KYAT3: variants seen among roughly 807,000 people sequenced by gnomAD.
The protein encoded by KYAT3 is kynurenine aminotransferase 3, also known as kynurenine--oxoglutarate transaminase 3.
KYAT3 carries 50 observed loss-of-function variants against 59.0 expected under a neutral mutation model. That is an observed-to-expected ratio of 0.85 (90% confidence interval 0.68 to 1.07). The LOEUF (loss-of-function observed/expected upper bound fraction) is 1.07. Ranked by LOEUF, KYAT3 falls within the 50% of genes least tolerant of loss-of-function variation. The pLI, the probability that KYAT3 is intolerant of heterozygous loss-of-function variation, is 0.00. For missense variants in KYAT3, 497 were observed against 533.3 expected (o/e 0.93, Z 0.67); for synonymous variants, 148 against 177.0 (o/e 0.84, Z 1.30).
chr1:88,935,855 A>T lies in KYAT3; in HGVS notation c.*328T>A, dbSNP rs950281971. The T allele has an allele frequency of 7.3e-6, 3 of 408,546 alleles. No individual in the cohort carries two copies. The highest frequency in any genetic ancestry group is 2.0e-5 in the African/African-American group (1 of 49,106). 25.3% of individuals were successfully genotyped at this position (408,546 alleles called of 1,614,324 possible). On this transcript the variant is annotated 3_prime_UTR_variant, in exon 14 of 14. Transcript: ENST00000260508. ...CATTTAATTCTCAGAAACGACCTTC[A>T]TATGAAACAGGTACTGATTTTATTC...
chr1:88,968,125 C>T (rs1477803378), intron 4 of KYAT3, among the ~76,000 whole-genome samples: 2 of 152,148 alleles, frequency 1.3e-5, no homozygotes, highest in Non-Finnish European at 2.9e-5. Flanking sequence ...CTATACCATT[C>T]CCCTCCCCAT....
chr1:88,964,487 T>C, intron 5 of KYAT3: 1 of 262,982 alleles, frequency 3.8e-6, no homozygotes, highest in South Asian at 4.4e-5. Flanking sequence ...CACTGTATAA[T>C]TATATTCATA....
At chr1:88,967,357 G>C (rs1676386642) in intron 4 of KYAT3, among the ~76,000 whole-genome samples, 1 of 151,878 alleles carries the variant, frequency 6.6e-6, no homozygotes, top group Admixed American at 6.6e-5. Flanking sequence ...TTTTCATCCT[G>C]CTCCACTTTC....
At chr1:88,985,740 C>T (rs1225637265) in intron 2 of KYAT3, among the ~76,000 whole-genome samples, 1 of 152,072 alleles carries the variant, frequency 6.6e-6, no homozygotes, top group Non-Finnish European at 1.5e-5. Context: ...TCATGGCATA[C>T]AATATATATA....
the KYAT3 span, among the ~76,000 whole-genome samples, chr1:88,925,169 C>G: frequency 3.5e-4 from 54 of 152,312 alleles, no homozygotes; most frequent in African/African-American, 1.3e-3. Flanking sequence ...GAGCCAGCTT[C>G]CACTTTCAAT....
chr1:88,985,852 G>A (rs1337861220), intron 2 of KYAT3, among the ~76,000 whole-genome samples: 3 of 152,174 alleles, frequency 2.0e-5, no homozygotes, highest in Non-Finnish European at 1.5e-5. Context: ...ATTGGGTATG[G>A]ACTAAATGTA....
chr1:88,952,650 A>G (rs900017880), intron 10 of KYAT3, among the ~76,000 whole-genome samples: 1 of 152,318 alleles, frequency 6.6e-6, no homozygotes, highest in Middle Eastern at 3.4e-3. Context: ...CTGTAGAACC[A>G]TGAGCCAAGT....
chr1:88,983,459 G>A, intron 2 of KYAT3: 1 of 1,614,110 alleles, frequency 6.2e-7, no homozygotes, highest in Non-Finnish European at 8.5e-7. Context: ...TCCTCGTGAA[G>A]GAGGTCCCCT....
At chr1:88,974,469 C>CTTTTTT (rs71084932) in intron 2 of KYAT3, among the ~76,000 whole-genome samples, 19 of 69,670 alleles carry the variant, frequency 2.7e-4, no homozygotes, top group East Asian at 3.7e-4. Flanking sequence ...GTGTCTCTCT[C>CTTTTTT]TTTTTTTTTT....
chr1:88,946,454 T>C (rs13376225), intron 11 of KYAT3, among the ~76,000 whole-genome samples: 7,804 of 152,228 alleles, frequency 0.051, 362 homozygotes, highest in African/African-American at 0.12. Flanking sequence ...GGAGTCACTG[T>C]ACTGGCCATG....
intron 2 of KYAT3, among the ~76,000 whole-genome samples, chr1:88,973,118 G>A (rs921146841): frequency 1.3e-5 from 2 of 152,210 alleles, no homozygotes; most frequent in East Asian, 3.8e-4. Context: ...TGAAGGCACA[G>A]ACTAAGGTGA....
chr1:88,941,303 T>A (rs1042436519), intron 13 of KYAT3, among the ~76,000 whole-genome samples: 11 of 152,226 alleles, frequency 7.2e-5, no homozygotes, highest in Non-Finnish European at 1.3e-4. Flanking sequence ...ACAGTGTTTA[T>A]GTTATTCTCA....
At chr1:88,922,622 T>C in the KYAT3 span, among the ~76,000 whole-genome samples, 1 of 152,104 alleles carries the variant, frequency 6.6e-6, no homozygotes, top group Admixed American at 6.6e-5. Context: ...TGTTCTGAGG[T>C]AGAACAGTTT....
downstream of KYAT3, among the ~76,000 whole-genome samples, chr1:88,931,863 C>G (rs900324812): frequency 9.1e-6 from 1 of 109,768 alleles, no homozygotes; most frequent in African/African-American, 3.5e-5. Flanking sequence ...GGAGCTCTGT[C>G]TTCACTCCTG....
chr1:88,987,894 G>A (rs554272369), intron 2 of KYAT3, among the ~76,000 whole-genome samples: 12 of 152,278 alleles, frequency 7.9e-5, no homozygotes, highest in South Asian at 6.2e-4. Context: ...GCAGATGTAC[G>A]TATTGTATTT....
At chr1:88,964,571 G>A (rs1360510868) in intron 5 of KYAT3, 2 of 382,738 alleles carry the variant, frequency 5.2e-6, no homozygotes, top group African/African-American at 4.1e-5. Context: ...GGAGAATATA[G>A]ACTCTGAAGA....
At chr1:88,930,501 T>A in the KYAT3 span, among the ~76,000 whole-genome samples, 1 of 152,064 alleles carries the variant, frequency 6.6e-6, no homozygotes, top group South Asian at 2.1e-4. Context: ...CACCTCAACT[T>A]GTATACTGAT....
At chr1:88,977,432 C>T (rs1676835374) in intron 2 of KYAT3, among the ~76,000 whole-genome samples, 1 of 152,178 alleles carries the variant, frequency 6.6e-6, no homozygotes, top group Non-Finnish European at 1.5e-5. Context: ...GAACTCCTGA[C>T]CTCAGGCGAT....
At position 88,962,142 on chromosome 1, in the gene KYAT3, T is replaced by C; in HGVS notation, c.457A>G (p.Ile153Val). The part of the protein sequence containing the change: ...QALIDEGDEV[I>V]LIVPFYDCYE... ...CAGTCATAGAAAGGCACTATTAGTA[T>C]GACCTGCAATAAAAGCAAATAAGAT... The change falls in exon 6 of 14, where the codon ATA becomes GTA. Residue 153 changes from isoleucine to valine, a missense_variant. By Grantham distance (29) the Ile-to-Val change is conservative. Coordinates refer to ENST00000260508, the MANE Select transcript of KYAT3 (RefSeq NM_001008661.3). The C allele has an allele frequency of 6.2e-7, 1 of 1,610,068 alleles. No homozygotes were observed. Among genetic ancestry groups the C allele is most frequent in the Non-Finnish European group, 8.5e-7 (1 of 1,176,300 alleles).
Sources: allele counts gnomAD v4.1 joint callset (sites outside exome capture counted in the v4.1 genomes callset), GRCh38; gene constraint gnomAD v4.1.1; transcripts MANE v1.5; gene names NCBI Gene and HGNC (gene_info 2026-07-23, HGNC 2026-07-21).